Variants in SCFD2 observed in about 807,000 individuals in gnomAD.
SCFD2 encodes sec1 family domain containing 2, also known as sec1 family domain-containing protein 2.
In SCFD2, 54 loss-of-function variants were observed where a neutral mutation model predicts 58.9. The ratio of observed to expected loss-of-function variants is 0.92; its 90% CI spans 0.74 to 1.15. The LOEUF is 1.15. SCFD2 is among the 50% of genes most tolerant of loss of function. The probability of loss-of-function intolerance (pLI) is 0.00; values close to 1 mark genes in which losing one functional copy is unlikely to be tolerated. For synonymous variants in SCFD2, 321 were observed against 335.9 expected (o/e 0.96, Z 0.49); for missense variants, 805 against 836.6 (o/e 0.96, Z 0.47).
chr4:53,339,350 A>G (rs1577983544), intron 2 of SCFD2, among the ~76,000 whole-genome samples: 1 of 150,486 alleles, frequency 6.6e-6, no homozygotes, highest in African/African-American at 2.4e-5. Flanking sequence ...TATTATATGT[A>G]AATGTATATT....
At chr4:52,948,605 C>T (rs1720503708) in intron 5 of SCFD2, 1 of 452,166 alleles carries the variant, frequency 2.2e-6, no homozygotes, top group Non-Finnish European at 4.5e-6. Context: ...AGTCTCTTTA[C>T]TGCAACCAGT....
chr4:53,020,997 C>T (rs1043408171), intron 5 of SCFD2, among the ~76,000 whole-genome samples: 3 of 152,196 alleles, frequency 2.0e-5, no homozygotes, highest in Non-Finnish European at 4.4e-5. Flanking sequence ...TAACCCTAAA[C>T]TGTGCAAGCC....
chr4:53,092,467 TACA>T (rs1477509199), intron 5 of SCFD2, among the ~76,000 whole-genome samples: 1 of 152,110 alleles, frequency 6.6e-6, no homozygotes. Flanking sequence ...AGTAAAAATT[TACA>T]ACTCCACAAA....
rs1482503102 is a variant in SCFD2, at chr4:53,340,826, C to T, written c.1007+11772G>A. 4.6e-5 allele frequency among the ~76,000 whole-genome samples: 7 copies of T among 152,210 alleles called. No homozygotes were observed. The South Asian group carries it at 8.3e-4, about 18-fold the overall frequency. Reference sequence around the variant, plus strand: ...GCAATATTCGCTGTTATGCAGCCTCCGCTGCTGATACCCAGGCAAACAGGG... The same window carrying T: ...GCAATATTCGCTGTTATGCAGCCTCTGCTGCTGATACCCAGGCAAACAGGG... On this transcript the variant is annotated intron_variant, in intron 2 of 8. Transcript: ENST00000401642.
intron 4 of SCFD2, among the ~76,000 whole-genome samples, chr4:53,163,452 A>G (rs1423020365): frequency 1.3e-5 from 2 of 152,288 alleles, no homozygotes; most frequent in African/African-American, 4.8e-5. Flanking sequence ...GGCCAGGCGC[A>G]GGGGCTCACA....
At chr4:52,978,791 A>G (rs1385188881) in intron 5 of SCFD2, among the ~76,000 whole-genome samples, 1 of 152,154 alleles carries the variant, frequency 6.6e-6, no homozygotes, top group African/African-American at 2.4e-5. Flanking sequence ...GGCATTCACA[A>G]CTCTGGCCCC....
chr4:52,894,973 A>C (rs538572273), intron 7 of SCFD2, among the ~76,000 whole-genome samples: 1 of 152,354 alleles, frequency 6.6e-6, no homozygotes, highest in African/African-American at 2.4e-5. Flanking sequence ...TCACTAACAA[A>C]GCCTTTCTGG....
At chr4:52,946,939 T>C (rs1720445981) in intron 5 of SCFD2, among the ~76,000 whole-genome samples, 1 of 152,180 alleles carries the variant, frequency 6.6e-6, no homozygotes. Flanking sequence ...CACTGTCCTA[T>C]TCTATTTTTG....
At chr4:52,987,962 G>A (rs1300293936) in intron 5 of SCFD2, among the ~76,000 whole-genome samples, 6 of 152,192 alleles carry the variant, frequency 3.9e-5, no homozygotes, top group Non-Finnish European at 2.9e-5. Flanking sequence ...TGCATATGAA[G>A]AGAAAGTGCC....
intron 5 of SCFD2, among the ~76,000 whole-genome samples, chr4:53,043,478 T>C (rs1722949120): frequency 1.3e-5 from 2 of 152,192 alleles, no homozygotes; most frequent in South Asian, 4.1e-4. Flanking sequence ...ATCCATGCAT[T>C]TGTCAACAAA....
intron 4 of SCFD2, among the ~76,000 whole-genome samples, chr4:53,259,130 G>C (rs1271124717): frequency 4.6e-5 from 7 of 151,660 alleles, no homozygotes. Context: ...TTCTTAGTCA[G>C]ATGTATAGAT....
intron 5 of SCFD2, chr4:52,956,302 G>C (rs1720711158): frequency 6.6e-6 from 3 of 455,254 alleles, no homozygotes; most frequent in South Asian, 4.7e-5. Context: ...GGAACCAGAG[G>C]AAAGCAAGGT....
chr4:52,892,220 A>T (rs1221991146), intron 7 of SCFD2, among the ~76,000 whole-genome samples: 2 of 152,080 alleles, frequency 1.3e-5, no homozygotes, highest in Admixed American at 1.3e-4. Flanking sequence ...CCACTCATTT[A>T]CGGCTGCATC....
At chr4:53,212,143 C>T (rs1728631952) in intron 4 of SCFD2, among the ~76,000 whole-genome samples, 1 of 152,090 alleles carries the variant, frequency 6.6e-6, no homozygotes, top group Non-Finnish European at 1.5e-5. Context: ...TCTATTCCTT[C>T]TGCTGGGGAA....
At chr4:53,323,664 G>A (rs1733093213) in intron 2 of SCFD2, among the ~76,000 whole-genome samples, 1 of 150,414 alleles carries the variant, frequency 6.6e-6, no homozygotes, top group Non-Finnish European at 1.5e-5. Context: ...ACAGGCATAA[G>A]CCAATGTGCC....
intron 5 of SCFD2, among the ~76,000 whole-genome samples, chr4:53,054,214 C>G (rs531850315): frequency 5.3e-4 from 80 of 152,162 alleles, no homozygotes; most frequent in Non-Finnish European, 1.0e-3. Flanking sequence ...GCTTATTTCA[C>G]TTAGTAACCT....
At chr4:52,954,998 C>T (rs1007465131) in intron 5 of SCFD2, among the ~76,000 whole-genome samples, 1 of 152,198 alleles carries the variant, frequency 6.6e-6, no homozygotes, top group Non-Finnish European at 1.5e-5. Flanking sequence ...GACGTCAAGC[C>T]GTCTCCCACA....
At chr4:52,910,717 T>C (rs550678705) in intron 6 of SCFD2, among the ~76,000 whole-genome samples, 12 of 152,130 alleles carry the variant, frequency 7.9e-5, no homozygotes, top group Non-Finnish European at 1.8e-4. Flanking sequence ...GTAGCTCCCA[T>C]AATCCCCACA....
chr4:53,165,444 A>C (rs1303645365), intron 4 of SCFD2, among the ~76,000 whole-genome samples: 1 of 152,166 alleles, frequency 6.6e-6, no homozygotes, highest in East Asian at 1.9e-4. Flanking sequence ...ATGGAGCTGT[A>C]ATCTCAGAGA....
Sources: gnomAD v4.1 joint callset for allele counts (sites outside exome capture counted in the v4.1 genomes callset) on GRCh38, gnomAD v4.1.1 for gene constraint, MANE v1.5 for transcripts, NCBI Gene and HGNC (gene_info 2026-07-23, HGNC 2026-07-21) for gene names.